Variants in DGCR2 observed in about 807,000 individuals in gnomAD.
DGCR2 encodes DiGeorge syndrome critical region gene 2, also known as integral membrane protein DGCR2/IDD.
DGCR2 carries 24 observed loss-of-function variants against 51.6 expected under a neutral mutation model. That is an observed-to-expected ratio of 0.47 (90% confidence interval 0.34 to 0.65). DGCR2 has a LOEUF of 0.65. DGCR2 is among the 30% of genes least tolerant of loss of function. The pLI, the probability that DGCR2 is intolerant of heterozygous loss-of-function variation, is 0.01. For missense variants in DGCR2, 765 were observed against 772.1 expected, an observed-to-expected ratio of 0.99 and a Z score of 0.11; for synonymous variants, 340 against 315.4, an observed-to-expected ratio of 1.08 and a Z score of -0.82.
chr22:19,064,712 C>T (rs1442326504), intron 4 of DGCR2, 136 bp downstream of exon 4: 1 of 779,756 alleles, frequency 1.3e-6, no homozygotes, highest in Admixed American at 2.3e-5. Flanking sequence ...CCTGGGCTTC[C>T]AGTGGGCGAG....
At chr22:19,095,340 C>A (rs571464846) in intron 1 of DGCR2, among the ~76,000 whole-genome samples, 1 of 151,808 alleles carries the variant, frequency 6.6e-6, no homozygotes, top group Non-Finnish European at 1.5e-5. Flanking sequence ...TCAGCCTAGG[C>A]AACAAGAGCA....
At chr22:19,083,703 C>CGG (rs1166609231) in intron 2 of DGCR2, among the ~76,000 whole-genome samples, 1 of 119,766 alleles carries the variant, frequency 8.3e-6, no homozygotes, top group Non-Finnish European at 1.7e-5. Context: ...CCCCCTCCCC[C>CGG]TCCCCCTCTC....
At chr22:19,088,821 G>A (rs1232532998) in intron 2 of DGCR2, among the ~76,000 whole-genome samples, 1 of 152,194 alleles carries the variant, frequency 6.6e-6, no homozygotes, top group Non-Finnish European at 1.5e-5. Flanking sequence ...AGGGTGCTGA[G>A]GCAGAAACCA....
chr22:19,110,121 C>T (rs368609641), intron 1 of DGCR2, among the ~76,000 whole-genome samples: 20 of 152,236 alleles, frequency 1.3e-4, no homozygotes, highest in African/African-American at 4.8e-4. Flanking sequence ...AGCTTCATTT[C>T]CTGCTCTTAT....
At chr22:19,040,940 G>A in intron 9 of DGCR2, 118 bp downstream of exon 9, 1 of 953,488 alleles carries the variant, frequency 1.0e-6, no homozygotes, top group Non-Finnish European at 1.5e-6. Context: ...AAAAACCAAA[G>A]ACAAAGCCGG....
intron 1 of DGCR2, among the ~76,000 whole-genome samples, chr22:19,091,990 T>G (rs965817815): frequency 2.0e-5 from 3 of 152,098 alleles, no homozygotes; most frequent in Non-Finnish European, 4.4e-5. Context: ...CAAAAGTTGT[T>G]TTTTTGAGAT....
At chr22:19,072,985 A>C (rs1276990146) in intron 2 of DGCR2, among the ~76,000 whole-genome samples, 3 of 152,040 alleles carry the variant, frequency 2.0e-5, no homozygotes, top group Non-Finnish European at 2.9e-5. Flanking sequence ...GGCCAGGTGC[A>C]GTGGCTCACA....
intron 1 of DGCR2, among the ~76,000 whole-genome samples, chr22:19,103,739 TAAAAAAAAAAAAAA>T (rs34046451): frequency 1.8e-3 from 144 of 78,726 alleles, no homozygotes; most frequent in African/African-American, 7.3e-3. Context: ...AAAAAATTCT[TAAAAAAAAAAAAAA>T]AAAAAAAAAA....
chr22:19,037,544 C>T lies in DGCR2; in HGVS notation c.*1321G>A. On this transcript the variant is annotated 3_prime_UTR_variant, in exon 10 of 10. Transcript: ENST00000263196. ...CGATGACCCTGGAAGAGTGGGCCCC[C>T]AGTGACCCGTGAAGTTCCATGTGCC... 1 of 152,480 alleles carries T rather than the reference C, an allele frequency of 6.6e-6. No individual in the cohort carries two copies. The allele number at this position is 152,480 out of a possible 1,614,324, so 9.4% of individuals were successfully genotyped here.
At chr22:19,077,843 T>TC (rs1277520279) in intron 2 of DGCR2, among the ~76,000 whole-genome samples, 7 of 152,052 alleles carry the variant, frequency 4.6e-5, no homozygotes, top group Admixed American at 4.6e-4. Context: ...TTTTTTTTTT[T>TC]TTTGAGACAG....
chr22:19,080,777 A>T (rs1180311887), intron 2 of DGCR2, among the ~76,000 whole-genome samples: 5 of 152,228 alleles, frequency 3.3e-5, no homozygotes, highest in Non-Finnish European at 7.3e-5. Context: ...TTGAGGTTGC[A>T]TTCAGCTGTG....
intron 1 of DGCR2, among the ~76,000 whole-genome samples, chr22:19,091,813 G>A (rs2083081801): frequency 2.6e-5 from 4 of 152,102 alleles, no homozygotes; most frequent in South Asian, 2.1e-4. Flanking sequence ...GGTGATGCAC[G>A]CCTGTAATCC....
chr22:19,121,189 TAAGA>T (rs1232943328), intron 1 of DGCR2, among the ~76,000 whole-genome samples: 2 of 152,266 alleles, frequency 1.3e-5, no homozygotes, highest in East Asian at 3.9e-4. Flanking sequence ...TTTCCTCCAT[TAAGA>T]AATATTAAGA....
intron 1 of DGCR2, among the ~76,000 whole-genome samples, chr22:19,099,514 T>G (rs936139418): frequency 2.6e-5 from 4 of 151,582 alleles, no homozygotes; most frequent in Admixed American, 6.6e-5. Context: ...GCCTGAGAAG[T>G]CAAGACTGCA....
Position 19,089,457 on chromosome 22 carries a change from C to T in DGCR2, c.113G>A (p.Arg38His), listed in dbSNP as rs151289611. ...LRCNPGQFAC[R>H]SGTIQCIPLP... Reference sequence around the variant, plus strand: ...GGGGATGCACTGGATGGTGCCGCTGCGACACGCAAACTGCCCAGGGTTGCA... The same window carrying T: ...GGGGATGCACTGGATGGTGCCGCTGTGACACGCAAACTGCCCAGGGTTGCA... Residue 38 changes from arginine (R) to histidine (H), a missense_variant, in exon 2 of 10, where the codon CGC (arginine) becomes CAC (histidine). Arg to His is a conservative substitution (Grantham distance 29). Coordinates refer to ENST00000263196, the MANE Select transcript of DGCR2 (RefSeq NM_005137.3). The T allele has an allele frequency of 2.8e-4, 451 of 1,603,182 alleles. 2 individuals carry two copies. The highest frequency in any genetic ancestry group is 4.8e-4 in the African/African-American group (36 of 74,626).
intron 6 of DGCR2, among the ~76,000 whole-genome samples, chr22:19,054,754 A>AAG (rs1555902145): frequency 2.6e-5 from 4 of 151,472 alleles, no homozygotes; most frequent in Non-Finnish European, 4.4e-5. Context: ...AAAAAAAAAA[A>AAG]AGAGAGAGTC....
Position 19,038,693 on chromosome 22 carries a change from T to C in DGCR2, c.*172A>G. 1 of 836,298 alleles carries C rather than the reference T, an allele frequency of 1.2e-6. No individual in the cohort carries two copies. Among genetic ancestry groups the C allele is most frequent in the Non-Finnish European group, 1.8e-6 (1 of 541,358 alleles). The allele number at this position is 836,298 out of a possible 1,614,324, so 51.8% of individuals were successfully genotyped here. Reference sequence around the variant, plus strand: ...AGGAAGCTCGGTGCAGGCCATCACTTCTTTTGGCAGAAGGCGGGCTGTGGT... The same window carrying C: ...AGGAAGCTCGGTGCAGGCCATCACTCCTTTTGGCAGAAGGCGGGCTGTGGT... On this transcript the variant is annotated 3_prime_UTR_variant, in exon 10 of 10. Coordinates refer to ENST00000263196, the MANE Select transcript of DGCR2 (RefSeq NM_005137.3).
chr22:19,054,636 C>T (rs1023694580), intron 6 of DGCR2, among the ~76,000 whole-genome samples: 2 of 152,018 alleles, frequency 1.3e-5, no homozygotes, highest in African/African-American at 2.4e-5. Flanking sequence ...GAGGCTGAGG[C>T]AGGAGGCTCA....
intron 2 of DGCR2, among the ~76,000 whole-genome samples, chr22:19,073,389 A>G (rs1285906015): frequency 1.3e-5 from 2 of 152,212 alleles, no homozygotes; most frequent in Non-Finnish European, 2.9e-5. Flanking sequence ...GAAAACGAAA[A>G]CTGGGAATCA....
Sources: allele counts gnomAD v4.1 joint callset (sites outside exome capture counted in the v4.1 genomes callset), GRCh38; gene constraint gnomAD v4.1.1; transcripts MANE v1.5; gene names NCBI Gene and HGNC (gene_info 2026-07-23, HGNC 2026-07-21).